Variants in NINL observed in about 807,000 individuals in gnomAD.
NINL encodes the protein ninein like, also known as ninein-like protein.
NINL carries 153 observed loss-of-function variants against 160.3 expected under a neutral mutation model. That is an observed-to-expected ratio of 0.95 (90% CI 0.84 to 1.09). NINL has a LOEUF of 1.09. NINL is among the 50% of genes least tolerant of loss of function. NINL has a pLI of 0.00. For missense variants in NINL, 1,829 were observed against 1,764.0 expected, an observed-to-expected ratio of 1.04 and a Z score of -0.66; for synonymous variants, 800 against 734.8, an observed-to-expected ratio of 1.09 and a Z score of -1.43.
rs761969119 is a variant in NINL, at chr20:25,482,064, G to A, written c.1714C>T (p.Leu572=). 2.5e-6 allele frequency: 4 copies of A among 1,598,444 alleles called. No individual in the cohort carries two copies. Among genetic ancestry groups the A allele is most frequent in the Non-Finnish European group, 3.4e-6 (4 of 1,179,710 alleles). The change falls in exon 14 of 24, where the codon CTG becomes TTG. Residue 572 remains leucine (L), a synonymous_variant. Coordinates refer to ENST00000278886, the MANE Select transcript of NINL (RefSeq NM_025176.6). ...QDRNDELQAE[L]EGLWARLPKN... ...GGCAGCCGCGCCCACAGGCCTTCCA[G>A]CTCAGCTTGCAGCTCATCGTTGCGG...
rs1411105155 is a variant in NINL, at chr20:25,465,809, C to T, written c.3423+1580G>A. Among the ~76,000 whole-genome samples, 4 of 152,154 alleles carry T rather than the reference C, an allele frequency of 2.6e-5. No individual in the cohort carries two copies. The East Asian group carries it at 7.7e-4, about 29-fold the overall frequency. ...ACACACAATGTGGCACCCCCAGCTG[C>T]ACCCTACTGCCAGCAACCTTGTTGT... On this transcript the variant is annotated intron_variant, in intron 19 of 23. Transcript: ENST00000278886.
intron 1 of NINL, among the ~76,000 whole-genome samples, chr20:25,577,475 AAGG>A (rs1408846653): frequency 6.6e-6 from 1 of 152,224 alleles, no homozygotes; most frequent in East Asian, 1.9e-4. Context: ...TTCCAGATAC[AAGG>A]AGCTCTCCCT....
intron 17 of NINL, among the ~76,000 whole-genome samples, chr20:25,473,862 C>T (rs574307455): frequency 3.3e-5 from 5 of 151,476 alleles, no homozygotes; most frequent in South Asian, 2.1e-4. Flanking sequence ...AGTGAGACTC[C>T]GTCTCAAAAA....
At chr20:25,532,013 G>A (rs1305249881) in intron 1 of NINL, among the ~76,000 whole-genome samples, 2 of 152,184 alleles carry the variant, frequency 1.3e-5, no homozygotes, top group Non-Finnish European at 2.9e-5. Flanking sequence ...GTCTCTAACT[G>A]GGGCCTGCAG....
chr20:25,526,124 C>T (rs138505531), intron 2 of NINL, among the ~76,000 whole-genome samples: 104 of 152,320 alleles, frequency 6.8e-4, no homozygotes, highest in African/African-American at 2.3e-3. Flanking sequence ...CTGGCCTATA[C>T]CAAACTCCTT....
rs539208464 is a variant in NINL at position 25,555,294 on chromosome 20, C to G, written c.-11-28696G>C. On this transcript the variant is annotated intron_variant, in intron 1 of 23. Coordinates refer to ENST00000278886, the MANE Select transcript of NINL (RefSeq NM_025176.6). ...CGTACAGACAGGCCCCACAACAAAGCAGCCCATGCCACACACACCTGCCGA... is the reference window on the plus strand; with the variant it reads ...CGTACAGACAGGCCCCACAACAAAGGAGCCCATGCCACACACACCTGCCGA... Among the ~76,000 whole-genome samples the G allele has an allele frequency of 8.5e-5, 13 of 152,316 alleles. 1 individual carries two copies. In the South Asian group the frequency reaches 2.7e-3, roughly 32 times the overall value.
chr20:25,471,278 G>A (rs1021797177), intron 17 of NINL, among the ~76,000 whole-genome samples: 1 of 152,124 alleles, frequency 6.6e-6, no homozygotes, highest in African/African-American at 2.4e-5. Context: ...GAGCCACCAC[G>A]CCCAGCCCGC....
At chr20:25,534,417 A>G (rs1162626647) in intron 1 of NINL, among the ~76,000 whole-genome samples, 1 of 152,246 alleles carries the variant, frequency 6.6e-6, no homozygotes, top group African/African-American at 2.4e-5. Flanking sequence ...ACAGTCATGT[A>G]TCACTTAACA....
intron 1 of NINL, among the ~76,000 whole-genome samples, chr20:25,552,063 T>A (rs2064812495): frequency 6.6e-6 from 1 of 152,184 alleles, no homozygotes; most frequent in South Asian, 2.1e-4. Flanking sequence ...AAGTTACAGC[T>A]CTGTTTGGGG....
intron 4 of NINL, among the ~76,000 whole-genome samples, chr20:25,511,687 G>C (rs1272556043): frequency 6.6e-6 from 1 of 152,154 alleles, no homozygotes; most frequent in Non-Finnish European, 1.5e-5. Flanking sequence ...ACAAGGAGGA[G>C]ATTCACTATC....
In NINL at chr20:25,510,691, T is replaced by C. The variant is rs760846032; in HGVS notation, c.500A>G (p.Glu167Gly). The change falls in exon 5 of 24, where the codon GAA (glutamate) becomes GGA (glycine). Residue 167 changes from glutamate to glycine, a missense_variant. Physicochemically the swap from Glu to Gly is moderately conservative, Grantham distance 98. Coordinates refer to ENST00000278886, the MANE Select transcript of NINL (RefSeq NM_025176.6). ...EAESTKEAQN[E>G]LFEAQGQLQT... ...GGCTTTACCTTGTGCTTCAAATAAT[T>C]CATTCTGAGCTTCTTTAGTGCTCTC... is the stretch of plus-strand genomic sequence containing the variant. 6.2e-7 allele frequency: 1 copy of C among 1,613,824 alleles called. No homozygotes were observed. The highest frequency in any genetic ancestry group is 1.7e-5 in the Admixed American group (1 of 60,008).
chr20:25,517,938 G>T (rs2064190527), intron 2 of NINL, 89 bp from the exon 3 acceptor site: 1 of 710,606 alleles, frequency 1.4e-6, no homozygotes, highest in South Asian at 2.4e-5. Flanking sequence ...CTCTCAGATA[G>T]AAATATATTA....
intron 2 of NINL, among the ~76,000 whole-genome samples, chr20:25,523,103 C>A (rs2064292553): frequency 6.6e-6 from 1 of 151,922 alleles, no homozygotes; most frequent in Non-Finnish European, 1.5e-5. Flanking sequence ...CTTATAATAG[C>A]CAATACAATG....
intron 1 of NINL, among the ~76,000 whole-genome samples, chr20:25,561,721 C>T (rs1160848513): frequency 6.6e-6 from 1 of 151,082 alleles, no homozygotes; most frequent in Admixed American, 6.6e-5. Context: ...TCGGCCCGGC[C>T]GCGACCCCGT....
intron 1 of NINL, among the ~76,000 whole-genome samples, chr20:25,582,073 T>A (rs936649971): frequency 6.6e-6 from 1 of 151,778 alleles, no homozygotes; most frequent in African/African-American, 2.4e-5. Flanking sequence ...CTGGCCAACA[T>A]GGTGAAACCC....
At chr20:25,479,748 T>C (rs2063347459) in intron 15 of NINL, among the ~76,000 whole-genome samples, 1 of 152,176 alleles carries the variant, frequency 6.6e-6, no homozygotes, top group Non-Finnish European at 1.5e-5. Context: ...GCTAAGTTCA[T>C]CCTGACAGTT....
At chr20:25,473,675 TACACACACACACAC>T (rs56359105) in intron 17 of NINL, among the ~76,000 whole-genome samples, 1,687 of 137,966 alleles carry the variant, frequency 0.012, 30 homozygotes, top group African/African-American at 0.04. Flanking sequence ...AATACACACA[TACACACACACACAC>T]ACACACACAC....
chr20:25,562,965 G>C (rs1387258025), intron 1 of NINL, among the ~76,000 whole-genome samples: 3 of 152,116 alleles, frequency 2.0e-5, no homozygotes, highest in African/African-American at 7.2e-5. Flanking sequence ...CAGGAGATGA[G>C]ACCATCCTGG....
chr20:25,545,052 A>C lies in NINL; in HGVS notation c.-11-18454T>G, dbSNP rs896724479. Among the ~76,000 whole-genome samples, 7 of 152,240 alleles carry C rather than the reference A, an allele frequency of 4.6e-5. No individual in the cohort carries two copies. The South Asian group carries it at 1.0e-3, about 23-fold the overall frequency. ...TATTAAGCAGCTTTAGGGAGCATCC[A>C]GGAAAACCTGGGATAGCTCCATCTG... On this transcript the variant is annotated intron_variant, in intron 1 of 23. Transcript: ENST00000278886.
Sources: gnomAD v4.1 joint callset for allele counts (sites outside exome capture counted in the v4.1 genomes callset) on GRCh38, gnomAD v4.1.1 for gene constraint, MANE v1.5 for transcripts, NCBI Gene and HGNC (gene_info 2026-07-23, HGNC 2026-07-21) for gene names.